Variants in FRMD6 observed in about 807,000 individuals in gnomAD.
FRMD6 encodes FERM domain containing 6, also known as FERM domain-containing protein 6.
In FRMD6, 37 loss-of-function variants were observed where a neutral mutation model predicts 73.2. The ratio of observed to expected loss-of-function variants is 0.51; its 90% confidence interval spans 0.39 to 0.66. The LOEUF (loss-of-function observed/expected upper bound fraction) is 0.66. Among genes scored for constraint, FRMD6 ranks in the 30% least tolerant of loss-of-function variants. The pLI is 0.00. For missense variants in FRMD6, 714 were observed against 780.5 expected (o/e 0.91, Z 1.02); for synonymous variants, 273 against 282.2 (o/e 0.97, Z 0.33).
At chr14:51,438,102 C>A in the FRMD6 span, among the ~76,000 whole-genome samples, 1 of 152,132 alleles carries the variant, frequency 6.6e-6, no homozygotes, top group Non-Finnish European at 1.5e-5. Flanking sequence ...ATAGAAGGTG[C>A]AAAGGGTGGG....
At chr14:51,460,426 C>CA in the FRMD6 span, among the ~76,000 whole-genome samples, 21 of 152,302 alleles carry the variant, frequency 1.4e-4, no homozygotes, top group African/African-American at 5.1e-4. Context: ...CACTTATGTG[C>CA]ATGCATGCTT....
At chr14:51,547,581 T>C (rs1596572454) in intron 1 of FRMD6, 2 of 152,320 alleles carry the variant, frequency 1.3e-5, no homozygotes, top group East Asian at 1.9e-4. Context: ...TGATGTATAT[T>C]GAGAGCCCTA....
At chr14:51,628,910 TCC>T in intron 2 of FRMD6, among the ~76,000 whole-genome samples, 1 of 123,624 alleles carries the variant, frequency 8.1e-6, no homozygotes, top group Non-Finnish European at 1.6e-5. Context: ...GGAGTCTCGC[TCC>T]GTTTTCCAGG....
intron 1 of FRMD6, among the ~76,000 whole-genome samples, chr14:51,564,526 G>A (rs1887670341): frequency 6.6e-6 from 1 of 152,162 alleles, no homozygotes; most frequent in East Asian, 1.9e-4. Context: ...AGGCAGCTCC[G>A]GGGTCTGAGA....
the FRMD6 span, among the ~76,000 whole-genome samples, chr14:51,464,897 T>C: frequency 6.6e-6 from 1 of 152,268 alleles, no homozygotes; most frequent in Non-Finnish European, 1.5e-5. Flanking sequence ...AGAAATTGCA[T>C]GCAGAAACTG....
At chr14:51,418,466 G>C in the FRMD6 span, among the ~76,000 whole-genome samples, 1 of 152,160 alleles carries the variant, frequency 6.6e-6, no homozygotes, top group East Asian at 1.9e-4. Context: ...GACCCTATTT[G>C]CCTGGGTATC....
intron 1 of FRMD6, among the ~76,000 whole-genome samples, chr14:51,656,131 G>C (rs1303146492): frequency 6.6e-6 from 1 of 152,216 alleles, no homozygotes; most frequent in African/African-American, 2.4e-5. Context: ...ATGCGATTTA[G>C]TGATGTAATT....
chr14:51,566,196 T>C (rs935718490), intron 1 of FRMD6, among the ~76,000 whole-genome samples: 167 of 152,246 alleles, frequency 1.1e-3, no homozygotes, highest in African/African-American at 3.9e-3. Flanking sequence ...AAGAAATGTA[T>C]GCATTTAGGA....
chr14:51,663,652 T>C (rs1455574014), intron 1 of FRMD6, among the ~76,000 whole-genome samples: 1 of 152,088 alleles, frequency 6.6e-6, no homozygotes, highest in Non-Finnish European at 1.5e-5. Context: ...AATTAATGGC[T>C]TAATACCTGG....
chr14:51,596,436 C>A (rs563280275), intron 2 of FRMD6, among the ~76,000 whole-genome samples: 1 of 152,196 alleles, frequency 6.6e-6, no homozygotes, highest in East Asian at 1.9e-4. Flanking sequence ...CTATCTAAGA[C>A]CCTGTCAAAT....
intron 1 of FRMD6, among the ~76,000 whole-genome samples, chr14:51,564,520 A>G (rs1052434540): frequency 6.6e-6 from 1 of 152,220 alleles, no homozygotes; most frequent in African/African-American, 2.4e-5. Context: ...TTGAGCAGGC[A>G]GCTCCGGGGT....
the FRMD6 span, among the ~76,000 whole-genome samples, chr14:51,430,695 A>G: frequency 1.3e-5 from 2 of 152,200 alleles, no homozygotes; most frequent in African/African-American, 4.8e-5. Context: ...CATATCTCTC[A>G]TCTTTCACTC....
At chr14:51,645,584 A>G (rs1346376286) in intron 2 of FRMD6, among the ~76,000 whole-genome samples, 9 of 152,094 alleles carry the variant, frequency 5.9e-5, no homozygotes, top group Admixed American at 5.9e-4. Context: ...CCATAGCTGC[A>G]AGCCACTCCG....
At chr14:51,610,745 T>C (rs1890459938) in intron 2 of FRMD6, among the ~76,000 whole-genome samples, 1 of 152,226 alleles carries the variant, frequency 6.6e-6, no homozygotes, top group Non-Finnish European at 1.5e-5. Flanking sequence ...TTTGAAAAAG[T>C]ATATTTTCCC....
At chr14:51,671,285 T>C (rs964187540) in intron 1 of FRMD6, among the ~76,000 whole-genome samples, 3 of 152,132 alleles carry the variant, frequency 2.0e-5, no homozygotes, top group Non-Finnish European at 4.4e-5. Flanking sequence ...CCTTTTTTGG[T>C]TTTCTGGAAA....
chr14:51,612,867 A>C (rs1335605205), intron 2 of FRMD6, among the ~76,000 whole-genome samples: 1 of 152,240 alleles, frequency 6.6e-6, no homozygotes, highest in Non-Finnish European at 1.5e-5. Context: ...ATAACATGAT[A>C]GATATGTGCC....
chr14:51,668,668 G>A (rs1157805759), intron 1 of FRMD6, among the ~76,000 whole-genome samples: 1 of 150,840 alleles, frequency 6.6e-6, no homozygotes, highest in Non-Finnish European at 1.5e-5. Context: ...AAATAATGCT[G>A]GTGTTTTTGT....
At chr14:51,473,918 C>G in the FRMD6 span, among the ~76,000 whole-genome samples, 1 of 151,904 alleles carries the variant, frequency 6.6e-6, no homozygotes, top group East Asian at 1.9e-4. Context: ...CTGCATGACT[C>G]AAAGGAAGAC....
At position 51,729,077 on chromosome 14, in the gene FRMD6, A is replaced by G. The variant is rs1271700384; in HGVS notation, c.*1048A>G. ...TGATACCTGCAGACAGTCAGTTGAT[A>G]TATGTAGAGTTCAGAATGACTGTTT... On this transcript the variant is annotated 3_prime_UTR_variant, in exon 14 of 14. Coordinates refer to ENST00000344768, the MANE Select transcript of FRMD6 (RefSeq NM_001267046.2). 6.6e-6 allele frequency: 1 copy of G among 152,204 alleles called. No individual in the cohort carries two copies. Among genetic ancestry groups the G allele is most frequent in the Admixed American group, 6.5e-5 (1 of 15,282 alleles). The allele number at this position is 152,204 out of a possible 1,614,324, so 9.4% of individuals were successfully genotyped here.
Sources: gnomAD v4.1 joint callset for allele counts (sites outside exome capture counted in the v4.1 genomes callset) on GRCh38, gnomAD v4.1.1 for gene constraint, MANE v1.5 for transcripts, NCBI Gene and HGNC (gene_info 2026-07-23, HGNC 2026-07-21) for gene names.